The following NTN4 variants were observed in gnomAD, a reference collection of about 807,000 sequenced individuals.
NTN4 encodes the protein netrin 4, also known as netrin-4.
NTN4 carries 32 observed loss-of-function variants against 73.6 expected under a neutral mutation model. That is an observed-to-expected ratio of 0.44 (90% CI 0.33 to 0.58). The LOEUF is 0.58. NTN4 is among the 20% of genes least tolerant of loss of function. NTN4 has a pLI of 0.04. For missense variants in NTN4, 654 were observed against 798.3 expected, an observed-to-expected ratio of 0.82 and a Z score of 2.18; for synonymous variants, 258 against 287.5, an observed-to-expected ratio of 0.90 and a Z score of 1.04.
In NTN4 at chr12:95,790,359, C is replaced by T; in HGVS notation, c.-50G>A. The T allele has an allele frequency of 1.4e-6, 2 of 1,474,644 alleles. No individual in the cohort carries two copies. Among genetic ancestry groups the T allele is most frequent in the Non-Finnish European group, 1.8e-6 (2 of 1,099,336 alleles). 91.3% of individuals were successfully genotyped at this position (1,474,644 alleles called of 1,614,324 possible). On this transcript the variant is annotated 5_prime_UTR_variant, in exon 1 of 10. Transcript: ENST00000343702. The surrounding 1 kb of genome is among the most constrained non-coding windows in gnomAD (Gnocchi z 6.5). The stretch of plus-strand genomic sequence containing the variant: ...GGGCCGGGCGGGTGCCGGAGGGAGC[C>T]GAGACCTCTGGGCTGCGGGATGAAG...
At chr12:95,769,829 T>C (rs2079044813) in intron 2 of NTN4, among the ~76,000 whole-genome samples, 1 of 147,954 alleles carries the variant, frequency 6.8e-6, no homozygotes, top group African/African-American at 2.5e-5. Context: ...TGATCTCCGC[T>C]CACTGCAACC....
intron 7 of NTN4, among the ~76,000 whole-genome samples, chr12:95,680,488 C>T (rs992043050): frequency 6.6e-6 from 1 of 152,220 alleles, no homozygotes; most frequent in African/African-American, 2.4e-5. Context: ...GGTTTGCCAG[C>T]CCCTGGCCTG....
chr12:95,785,095 C>T (rs1287682322), intron 2 of NTN4, among the ~76,000 whole-genome samples: 2 of 151,580 alleles, frequency 1.3e-5, no homozygotes, highest in Non-Finnish European at 1.5e-5. Context: ...CATAGATAAA[C>T]AAGGCCCAGT....
At chr12:95,696,474 C>G (rs2078443158) in intron 5 of NTN4, among the ~76,000 whole-genome samples, 1 of 152,154 alleles carries the variant, frequency 6.6e-6, no homozygotes, top group African/African-American at 2.4e-5. Flanking sequence ...ACTGCCGTCA[C>G]TATAGTACAT....
At chr12:95,713,831 CTCATA>C (rs1338080117) in intron 3 of NTN4, among the ~76,000 whole-genome samples, 1 of 151,974 alleles carries the variant, frequency 6.6e-6, no homozygotes, top group Admixed American at 6.6e-5. Context: ...GTTAAATATT[CTCATA>C]TAATACACAC....
chr12:95,707,521 A>G (rs779662044), intron 5 of NTN4, among the ~76,000 whole-genome samples: 37 of 151,340 alleles, frequency 2.4e-4, no homozygotes, highest in Non-Finnish European at 4.3e-4. Flanking sequence ...TCCTCTTCCC[A>G]CCCCAAGCCC....
At chr12:95,726,078 T>C (rs1256678856) in intron 3 of NTN4, among the ~76,000 whole-genome samples, 1 of 152,130 alleles carries the variant, frequency 6.6e-6, no homozygotes. Context: ...GTTTGGGTTT[T>C]TTTTTTAAGC....
chr12:95,769,368 A>G (rs1449968237), intron 2 of NTN4, among the ~76,000 whole-genome samples: 2 of 152,130 alleles, frequency 1.3e-5, no homozygotes, highest in Non-Finnish European at 2.9e-5. Context: ...TAGGAGCCAG[A>G]GCAGAGATAA....
intron 8 of NTN4, among the ~76,000 whole-genome samples, chr12:95,669,122 C>T (rs1311843261): frequency 2.0e-5 from 3 of 151,492 alleles, no homozygotes; most frequent in Non-Finnish European, 4.4e-5. Context: ...GTATGAGAAT[C>T]GCTTGAACCC....
At chr12:95,714,391 A>AT (rs2078590424) in intron 3 of NTN4, among the ~76,000 whole-genome samples, 1 of 151,842 alleles carries the variant, frequency 6.6e-6, no homozygotes, top group East Asian at 1.9e-4. Context: ...GAGGTTTTAT[A>AT]TTTTTTCCTT....
At chr12:95,737,745 C>T (rs917294243) in intron 3 of NTN4, 121 bp downstream of exon 3, 6 of 867,104 alleles carry the variant, frequency 6.9e-6, no homozygotes, top group African/African-American at 5.0e-5. Flanking sequence ...AGTATGGAGT[C>T]GGAGCTGTGA....
In NTN4 at chr12:95,737,915, A is replaced by G; in HGVS notation, c.815T>C (p.Ile272Thr). The stretch of plus-strand genomic sequence containing the variant: ...GACAGGTCTGAAGCCATGAACAGGT[A>G]TGCATTGATCAGCGTGGCCATTGCA... Reference protein sequence around the residue: ...CFCNGHADQCIPVHGFRPVKA... With the variant: ...CFCNGHADQCTPVHGFRPVKA... The change falls in exon 3 of 10, where the codon ATA becomes ACA. Residue 272 changes from isoleucine (I) to threonine (T), a missense_variant. By Grantham distance (89) the Ile-to-Thr change is moderately conservative. Transcript: ENST00000343702. 1 of 1,614,186 alleles carries G rather than the reference A, an allele frequency of 6.2e-7. No individual in the cohort carries two copies. Among genetic ancestry groups the G allele is most frequent in the Non-Finnish European group, 8.5e-7 (1 of 1,180,008 alleles).
At chr12:95,773,652 G>T (rs1413938620) in intron 2 of NTN4, among the ~76,000 whole-genome samples, 2 of 151,560 alleles carry the variant, frequency 1.3e-5, no homozygotes, top group Admixed American at 1.3e-4. Flanking sequence ...GTCCTTATTC[G>T]AACGTCTCAA....
At chr12:95,788,275 T>G (rs1319888272) in intron 1 of NTN4, among the ~76,000 whole-genome samples, 2 of 152,134 alleles carry the variant, frequency 1.3e-5, no homozygotes, top group Non-Finnish European at 2.9e-5. Context: ...AACAGGAGAG[T>G]GTCTACAGTC....
At chr12:95,682,647 C>T (rs2078327050) in intron 7 of NTN4, 60 bp downstream of exon 7, 5 of 1,147,430 alleles carry the variant, frequency 4.4e-6, no homozygotes, top group Non-Finnish European at 6.5e-6. Context: ...TGGTTTGTCA[C>T]GTATCACTGT....
chr12:95,668,931 C>T (rs1393446175), intron 8 of NTN4, among the ~76,000 whole-genome samples: 1 of 152,246 alleles, frequency 6.6e-6, no homozygotes, highest in Non-Finnish European at 1.5e-5. Flanking sequence ...CGAGACCAGC[C>T]TGACCAACAT....
At chr12:95,702,842 G>GT (rs36062868) in intron 5 of NTN4, among the ~76,000 whole-genome samples, 58,379 of 125,112 alleles carry the variant, frequency 0.47, 14,292 homozygotes, top group South Asian at 0.66. Context: ...GTTTTCAATG[G>GT]TTTTTTTTTT....
intron 7 of NTN4, among the ~76,000 whole-genome samples, chr12:95,676,714 AAAGAT>A (rs57876022): frequency 0.053 from 8,124 of 151,884 alleles, 407 homozygotes; most frequent in East Asian, 0.27. Context: ...AAAAAAAAAT[AAAGAT>A]AAGAGCAGAA....
Position 95,672,748 on chromosome 12 carries a change from C to T in NTN4, c.1511-2602G>A, listed in dbSNP as rs1405719609. The T allele has an allele frequency of 7.3e-6, 10 of 1,368,116 alleles. No homozygotes were observed. The Admixed American group carries it at 1.7e-4, about 23-fold the overall frequency. The allele number at this position is 1,368,116 out of a possible 1,614,324, so 84.7% of individuals were successfully genotyped here. ...TAGGTATGCAGACCTCACAGATGAT[C>T]AGCTATCCTCCTGTGAGAGTCTGAA... On this transcript the variant is annotated intron_variant, in intron 7 of 9. Transcript: ENST00000343702.
Sources: gnomAD v4.1 joint callset for allele counts (sites outside exome capture counted in the v4.1 genomes callset) on GRCh38, gnomAD v4.1.1 for gene constraint, Gnocchi (gnomAD v3.1) non-coding constraint, MANE v1.5 for transcripts, NCBI Gene and HGNC (gene_info 2026-07-23, HGNC 2026-07-21) for gene names.